The following SPOCK1 variants were observed in gnomAD, a reference collection of about 807,000 sequenced individuals.
SPOCK1 encodes testican-1.
Under a neutral mutation model 55.3 loss-of-function variants are expected in SPOCK1, and 23 were observed. The observed-to-expected ratio is 0.42, with a 90% CI of 0.30 to 0.59. The LOEUF (loss-of-function observed/expected upper bound fraction) is 0.59, where lower values mean the gene tolerates loss of function less well. Among genes scored for constraint, SPOCK1 ranks in the 20% least tolerant of loss-of-function variants. The probability of loss-of-function intolerance (pLI) is 0.22; values close to 1 mark genes in which losing one functional copy is unlikely to be tolerated. For synonymous variants in SPOCK1, 226 were observed against 221.0 expected, an observed-to-expected ratio of 1.02 and a Z score of -0.20; for missense variants, 499 against 552.5, an observed-to-expected ratio of 0.90 and a Z score of 0.97.
Position 136,988,477 on chromosome 5 carries a change from G to C in SPOCK1, c.873C>G (p.Phe291Leu). The change falls in exon 8 of 11, where the codon TTC (phenylalanine) becomes TTG (leucine). Residue 291 changes from phenylalanine (F) to leucine (L), a missense_variant. Around this residue, in one of 3 missense-constraint regions of SPOCK1, gnomAD observed 386 missense variants for 400.6 expected, o/e 0.96. Coordinates refer to ENST00000394945, the MANE Select transcript of SPOCK1 (RefSeq NM_004598.4). ...IKPLFNSCDS[F>L]KDGKLSNNEW... ...CATTGTTAGAAAGCTTGCCATCCTT[G>C]AAGGAGTCACACGAGTTGAAAAGAG... 1 of 1,614,104 alleles carries C rather than the reference G, an allele frequency of 6.2e-7. No homozygotes were observed. The highest frequency in any genetic ancestry group is 8.5e-7 in the Non-Finnish European group (1 of 1,179,984).
chr5:137,033,047 G>T (rs867109618), intron 6 of SPOCK1, among the ~76,000 whole-genome samples: 4 of 152,222 alleles, frequency 2.6e-5, no homozygotes, highest in African/African-American at 9.7e-5. Flanking sequence ...AGAGAGGCAG[G>T]TCTAGGTCTG....
chr5:137,081,725 C>A (rs969393808), intron 5 of SPOCK1, among the ~76,000 whole-genome samples: 2 of 152,170 alleles, frequency 1.3e-5, no homozygotes, highest in Non-Finnish European at 2.9e-5. Flanking sequence ...GAAACAGTAA[C>A]TTAAACTTTG....
At chr5:136,981,147 T>C (rs1428917912) in intron 9 of SPOCK1, among the ~76,000 whole-genome samples, 1 of 152,204 alleles carries the variant, frequency 6.6e-6, no homozygotes, top group African/African-American at 2.4e-5. Context: ...AGAGTGGGGC[T>C]GAGCAGTCTG....
intron 2 of SPOCK1, among the ~76,000 whole-genome samples, chr5:137,487,305 G>A (rs1754079099): frequency 6.7e-6 from 1 of 148,666 alleles, no homozygotes; most frequent in African/African-American, 2.5e-5. Context: ...TTTTTAGGGG[G>A]CAGGGGAGTG....
At chr5:137,387,879 A>G (rs913464469) in intron 2 of SPOCK1, among the ~76,000 whole-genome samples, 1 of 152,160 alleles carries the variant, frequency 6.6e-6, no homozygotes, top group African/African-American at 2.4e-5. Flanking sequence ...AAAATAAAGT[A>G]TATTTAACAA....
At position 137,140,581 on chromosome 5, in the gene SPOCK1, T is replaced by C; in HGVS notation, c.346A>G (p.Arg116Gly). 1 of 1,612,196 alleles carries C rather than the reference T, an allele frequency of 6.2e-7. No individual in the cohort carries two copies. Among genetic ancestry groups the C allele is most frequent in the Non-Finnish European group, 8.5e-7 (1 of 1,179,310 alleles). ...LCVSRKHLLP[R>G]QKKGNVAQKH... ...CAGCCCCCGGCCTTCCTGCCTTACCTGGGGAGCAGGTGCTTGCGGCTGACA... is the reference window on the plus strand; with the variant it reads ...CAGCCCCCGGCCTTCCTGCCTTACCCGGGGAGCAGGTGCTTGCGGCTGACA... The change falls in exon 4 of 11, where the codon AGG (arginine) becomes GGG (glycine). Residue 116 changes from arginine to glycine, a missense_variant and splice_region_variant. Transcript: ENST00000394945.
At chr5:136,988,705 CCCCAGCTTTCTGCCCCA>C in intron 7 of SPOCK1, 62 bp from the exon 8 acceptor site, 1 of 1,482,154 alleles carries the variant, frequency 6.7e-7, no homozygotes, top group Non-Finnish European at 9.1e-7. Context: ...CCTGCTCACT[CCCCAGCTTTCTGCCCCA>C]AGAAGATGCC....
At chr5:136,990,154 C>T (rs1750919271) in intron 7 of SPOCK1, among the ~76,000 whole-genome samples, 1 of 152,106 alleles carries the variant, frequency 6.6e-6, no homozygotes, top group Admixed American at 6.5e-5. Context: ...TCGTGATCCA[C>T]CTGTCTTGGC....
chr5:137,085,409 G>C (rs1181355704), intron 5 of SPOCK1, among the ~76,000 whole-genome samples: 2 of 152,228 alleles, frequency 1.3e-5, no homozygotes, highest in African/African-American at 4.8e-5. Flanking sequence ...CTCAGCCCCA[G>C]TGAGATGATC....
intron 2 of SPOCK1, among the ~76,000 whole-genome samples, chr5:137,267,326 A>G (rs1756877502): frequency 6.6e-6 from 1 of 152,256 alleles, no homozygotes; most frequent in Non-Finnish European, 1.5e-5. Flanking sequence ...TTAGTTTGAC[A>G]TATAAACCCA....
intron 5 of SPOCK1, among the ~76,000 whole-genome samples, chr5:137,099,472 G>C (rs1379053220): frequency 1.3e-5 from 2 of 151,942 alleles, no homozygotes; most frequent in Admixed American, 1.3e-4. Flanking sequence ...TGTTATAAAA[G>C]TTTCACCAGG....
At chr5:137,377,687 G>A (rs1751348079) in intron 2 of SPOCK1, among the ~76,000 whole-genome samples, 1 of 152,086 alleles carries the variant, frequency 6.6e-6, no homozygotes, top group Admixed American at 6.5e-5. Flanking sequence ...TAAATCGTGG[G>A]AGGGGGCCAC....
intron 2 of SPOCK1, among the ~76,000 whole-genome samples, chr5:137,298,225 A>C (rs1757524094): frequency 6.6e-6 from 1 of 152,130 alleles, no homozygotes. Context: ...ACCATACCCC[A>C]CCCTGAGGGC....
chr5:137,317,636 G>A (rs1045243745), intron 2 of SPOCK1, among the ~76,000 whole-genome samples: 2 of 152,210 alleles, frequency 1.3e-5, no homozygotes, highest in Admixed American at 1.3e-4. Flanking sequence ...CACAGGTATT[G>A]TTCTTCACCA....
At position 137,475,392 on chromosome 5, in the gene SPOCK1, AAC is replaced by A. The variant is rs1753817043; in HGVS notation, c.186+22979_186+22980del. ...CACAGATCCTGGAATGGAAGAAAAAAACAGTTACATACAATGTTTTTGGAAAG... is the reference window on the plus strand; with the variant it reads ...CACAGATCCTGGAATGGAAGAAAAAAAGTTACATACAATGTTTTTGGAAAG... On this transcript the variant is annotated intron_variant, in intron 2 of 10. Transcript: ENST00000394945. Among the ~76,000 whole-genome samples, 2 of 152,208 alleles carry A rather than the reference AAC, an allele frequency of 1.3e-5. 1 individual carries two copies. Among genetic ancestry groups the A allele is most frequent in the Non-Finnish European group, 2.9e-5 (2 of 68,042 alleles).
intron 3 of SPOCK1, among the ~76,000 whole-genome samples, chr5:137,175,721 C>T (rs1754840286): frequency 6.6e-6 from 1 of 152,072 alleles, no homozygotes; most frequent in Admixed American, 6.6e-5. Context: ...ACAAAGCAAC[C>T]AATCCATGTA....
chr5:137,471,140 T>G (rs528207095), intron 2 of SPOCK1, among the ~76,000 whole-genome samples: 1 of 152,338 alleles, frequency 6.6e-6, no homozygotes, highest in Non-Finnish European at 1.5e-5. Flanking sequence ...GACTTAGCTC[T>G]GTCCAACTCT....
chr5:137,282,224 T>G (rs908070243), intron 2 of SPOCK1, among the ~76,000 whole-genome samples: 3 of 152,244 alleles, frequency 2.0e-5, no homozygotes, highest in Admixed American at 1.3e-4. Context: ...GCTACTTTCC[T>G]CTGGATTAGT....
At chr5:137,362,217 A>C (rs2127166620) in intron 2 of SPOCK1, among the ~76,000 whole-genome samples, 1 of 152,310 alleles carries the variant, frequency 6.6e-6, no homozygotes, top group African/African-American at 2.4e-5. Context: ...CTGCTTTAAA[A>C]GTGACTTATT....
Sources: gnomAD v4.1 joint callset for allele counts (sites outside exome capture counted in the v4.1 genomes callset) on GRCh38, gnomAD v4.1.1 for gene constraint, gnomAD v4.1.1 regional missense constraint, MANE v1.5 for transcripts, NCBI Gene and HGNC (gene_info 2026-07-23, HGNC 2026-07-21) for gene names.